The following PPIB variants were observed in gnomAD, a reference collection of about 807,000 sequenced individuals.
The protein encoded by PPIB is peptidylprolyl isomerase B, also known as peptidyl-prolyl cis-trans isomerase B.
PPIB carries 15 observed loss-of-function variants against 20.1 expected under a neutral mutation model. The observed-to-expected ratio is 0.75, with a 90% CI of 0.50 to 1.15. PPIB has a LOEUF of 1.15. PPIB is among the 50% of genes most tolerant of loss of function. The pLI, the probability that PPIB is intolerant of heterozygous loss-of-function variation, is 0.00. For missense variants in PPIB, 278 were observed against 283.0 expected (o/e 0.98, Z 0.13); for synonymous variants, 129 against 111.0 (o/e 1.16, Z -1.02).
Position 64,156,394 on chromosome 15 carries a change from A to T in PPIB, c.529-249T>A. 1.6e-6 allele frequency: 1 copy of T among 632,814 alleles called. No homozygotes were observed. Among genetic ancestry groups the T allele is most frequent in the Admixed American group, 2.5e-5 (1 of 40,444 alleles). The allele number at this position is 632,814 out of a possible 1,614,324, so 39.2% of individuals were successfully genotyped here. ...TGGGCCAAGGGTGAGGAGGAGGAAGAGGGTGACCAGGGCATGTGGCTTCTC... is the reference window on the plus strand; with the variant it reads ...TGGGCCAAGGGTGAGGAGGAGGAAGTGGGTGACCAGGGCATGTGGCTTCTC... On this transcript the variant is annotated intron_variant, in intron 4 of 4. Coordinates refer to ENST00000300026, the MANE Select transcript of PPIB (RefSeq NM_000942.5). The surrounding 1 kb of genome is among the most constrained non-coding windows in gnomAD (Gnocchi z 6.4).
rs956866877 is a variant in PPIB at position 64,156,372 on chromosome 15, G to A, written c.529-227C>T. The A allele has an allele frequency of 1.0e-5, 7 of 670,876 alleles. No individual in the cohort carries two copies. The highest frequency in any genetic ancestry group is 1.8e-5 in the Non-Finnish European group (7 of 384,320). 41.6% of individuals were successfully genotyped at this position (670,876 alleles called of 1,614,324 possible). Reference sequence around the variant, plus strand: ...TCCTTTGAAGTAAGACCCAGGTTGGGCCAAGGGTGAGGAGGAGGAAGAGGG... The same window carrying A: ...TCCTTTGAAGTAAGACCCAGGTTGGACCAAGGGTGAGGAGGAGGAAGAGGG... On this transcript the variant is annotated intron_variant, in intron 4 of 4. Transcript: ENST00000300026. This position sits in a 1 kb window ranked among gnomAD's most constrained non-coding sequence, Gnocchi z 6.4.
In PPIB at chr15:64,162,708, C is replaced by G. The variant is rs1051313694; in HGVS notation, c.135+144G>C. The stretch of plus-strand genomic sequence containing the variant: ...TGGGGGTGTCGGGGTGGGTCCGGGT[C>G]GTTCCCTGGACTGAATGGGCAGGAC... On this transcript the variant is annotated intron_variant, in intron 1 of 4. Transcript: ENST00000300026. 7.9e-5 allele frequency: 107 copies of G among 1,357,356 alleles called. No homozygotes were observed. The African/African-American group carries it at 1.4e-3, about 17-fold the overall frequency. 84.1% of individuals were successfully genotyped at this position (1,357,356 alleles called of 1,614,324 possible).
rs929432797 is a variant in PPIB at position 64,157,769 on chromosome 15, A to G, written c.344-860T>C. Among the ~76,000 whole-genome samples, 1 of 152,218 alleles carries G rather than the reference A, an allele frequency of 6.6e-6. No individual in the cohort carries two copies. The highest frequency in any genetic ancestry group is 2.4e-5 in the African/African-American group (1 of 41,456). ...ACCTACCTTCATCCTGTGGTTCCAC[A>G]GAATGGAACTGAGCTGGGAAACTGT... On this transcript the variant is annotated intron_variant, in intron 3 of 4. Transcript: ENST00000300026. This position sits in a 1 kb window ranked among gnomAD's most constrained non-coding sequence, Gnocchi z 4.2.
At position 64,160,110 on chromosome 15, in the gene PPIB, T is replaced by C; in HGVS notation, c.337A>G (p.Thr113Ala). ...CCAGAGGACCTGTGGTTACCTCCTG[T>C]GCCATCTCCCCTGGTGAAGTCTCCG... ...QGGDFTRGDG[T>A]GGKSIYGERF... is the part of the protein sequence containing the mutation. The change falls in exon 3 of 5, where the codon ACA becomes GCA. Residue 113 changes from threonine (T) to alanine (A), a missense_variant. Thr to Ala is a moderately conservative substitution (Grantham distance 58). Coordinates refer to ENST00000300026, the MANE Select transcript of PPIB (RefSeq NM_000942.5). This position sits in a 1 kb window ranked among gnomAD's most constrained non-coding sequence, Gnocchi z 4.8. 6.2e-7 allele frequency: 1 copy of C among 1,611,894 alleles called. No individual in the cohort carries two copies. Among genetic ancestry groups the C allele is most frequent in the Non-Finnish European group, 8.5e-7 (1 of 1,177,880 alleles).
In PPIB at chr15:64,162,993, G is replaced by T. The variant is rs1378812578; in HGVS notation, c.-7C>A. Reference sequence around the variant, plus strand: ...GTTCGGAGAGGCGCAGCATCCACAGGCGGAGGCGAAAGCAGCCCGGACAGC... The same window carrying T: ...GTTCGGAGAGGCGCAGCATCCACAGTCGGAGGCGAAAGCAGCCCGGACAGC... On this transcript the variant is annotated 5_prime_UTR_variant, in exon 1 of 5. Transcript: ENST00000300026. The T allele has an allele frequency of 3.1e-6, 5 of 1,612,694 alleles. No homozygotes were observed. The highest frequency in any genetic ancestry group is 4.2e-6 in the Non-Finnish European group (5 of 1,179,680).
chr15:64,160,036 C>G lies in PPIB; in HGVS notation c.343+68G>C, dbSNP rs1203394876. The stretch of plus-strand genomic sequence containing the variant: ...GAAGAAAGAGGCCTGGTCTCCCCAG[C>G]AGAACCTGGCCCTCCCACTGTGGAG... On this transcript the variant is annotated intron_variant, in intron 3 of 4. Coordinates refer to ENST00000300026, the MANE Select transcript of PPIB (RefSeq NM_000942.5). The surrounding 1 kb of genome is among the most constrained non-coding windows in gnomAD (Gnocchi z 4.8). 2.2e-6 allele frequency: 3 copies of G among 1,369,502 alleles called. No homozygotes were observed. The highest frequency in any genetic ancestry group is 1.0e-6 in the Non-Finnish European group (1 of 957,880). 84.8% of individuals were successfully genotyped at this position (1,369,502 alleles called of 1,614,324 possible). A position where few individuals can be genotyped will look rare whatever the true frequency, so the allele number is the denominator to read the frequency against.
At chr15:64,162,292 G>A (rs2081567551) in intron 1 of PPIB, 138 bp from the exon 2 acceptor site, 4 of 746,466 alleles carry the variant, frequency 5.4e-6, no homozygotes, top group Non-Finnish European at 9.7e-6. Flanking sequence ...TCTGATTTTG[G>A]TGACGGTAAA....
rs2081546170 is a variant in PPIB, at chr15:64,158,204, A to G, written c.344-1295T>C. On this transcript the variant is annotated intron_variant, in intron 3 of 4. Coordinates refer to ENST00000300026, the MANE Select transcript of PPIB (RefSeq NM_000942.5). This position sits in a 1 kb window ranked among gnomAD's most constrained non-coding sequence, Gnocchi z 4.7. ...TCTGCACGTGGCTCAGGTTGTCCCT[A>G]CCCACTCCCCATGTACTTACTCTTT... 6.6e-6 allele frequency among the ~76,000 whole-genome samples: 1 copy of G among 152,024 alleles called. No individual in the cohort carries two copies. Among genetic ancestry groups the G allele is most frequent in the Non-Finnish European group, 1.5e-5 (1 of 68,020 alleles).
At position 64,162,734 on chromosome 15, in the gene PPIB, G is replaced by T; in HGVS notation, c.135+118C>A. On this transcript the variant is annotated intron_variant, in intron 1 of 4. Coordinates refer to ENST00000300026, the MANE Select transcript of PPIB (RefSeq NM_000942.5). ...GTTCCCTGGACTGAATGGGCAGGACGGCCCAGACGCCACGAGGCCACAGAC... is the reference window on the plus strand; with the variant it reads ...GTTCCCTGGACTGAATGGGCAGGACTGCCCAGACGCCACGAGGCCACAGAC... The T allele has an allele frequency of 7.4e-6, 11 of 1,495,208 alleles. 1 individual carries two copies. In the African/African-American group the frequency reaches 9.7e-5, roughly 13 times the overall value. The allele number at this position is 1,495,208 out of a possible 1,614,324, so 92.6% of individuals were successfully genotyped here.
rs2081556324 is a variant in PPIB, at chr15:64,159,973, G to C, written c.343+131C>G. ...AAAGAAGGGTGCCGCTGGTCTCAAA[G>C]TAGGTAAGTAATAAGTAGGCCTGCC... On this transcript the variant is annotated intron_variant, in intron 3 of 4. Coordinates refer to ENST00000300026, the MANE Select transcript of PPIB (RefSeq NM_000942.5). The surrounding 1 kb of genome is among the most constrained non-coding windows in gnomAD (Gnocchi z 5.1). 5.0e-6 allele frequency: 4 copies of C among 799,682 alleles called. No individual in the cohort carries two copies. Among genetic ancestry groups the C allele is most frequent in the Admixed American group, 2.0e-5 (1 of 50,802 alleles). The allele number at this position is 799,682 out of a possible 1,614,324, so 49.5% of individuals were successfully genotyped here.
In PPIB at chr15:64,159,961, G is replaced by A. The variant is rs28720183; in HGVS notation, c.343+143C>T. ...GGTTCCCTCTTCAAAGAAGGGTGCC[G>A]CTGGTCTCAAAGTAGGTAAGTAATA... On this transcript the variant is annotated intron_variant, in intron 3 of 4. Coordinates refer to ENST00000300026, the MANE Select transcript of PPIB (RefSeq NM_000942.5). The surrounding 1 kb of genome is among the most constrained non-coding windows in gnomAD (Gnocchi z 5.1). 1,578 of 743,510 alleles carry A rather than the reference G, an allele frequency of 2.1e-3. 17 individuals are homozygous for A. The African/African-American group carries it at 0.023, about 11-fold the overall frequency. The allele number at this position is 743,510 out of a possible 1,614,324, so 46.1% of individuals were successfully genotyped here.
intron 1 of PPIB, 25 bp downstream of exon 1, chr15:64,162,827 G>C: frequency 6.2e-7 from 1 of 1,605,890 alleles, no homozygotes; most frequent in Non-Finnish European, 8.5e-7. Context: ...CTCCGGCACC[G>C]TAAATGCCGC....
Position 64,156,557 on chromosome 15 carries a change from C to G in PPIB, c.528+168G>C. 2 of 880,656 alleles carry G rather than the reference C, an allele frequency of 2.3e-6. No individual in the cohort carries two copies. Among genetic ancestry groups the G allele is most frequent in the Non-Finnish European group, 3.7e-6 (2 of 535,428 alleles). The allele number at this position is 880,656 out of a possible 1,614,324, so 54.6% of individuals were successfully genotyped here. Reference sequence around the variant, plus strand: ...CTGAGGGGGCTGGAAGAATTTAGAACCTTGGAGGCATGGAGGTACAGGGTT... The same window carrying G: ...CTGAGGGGGCTGGAAGAATTTAGAAGCTTGGAGGCATGGAGGTACAGGGTT... On this transcript the variant is annotated intron_variant, in intron 4 of 4. Transcript: ENST00000300026. This position sits in a 1 kb window ranked among gnomAD's most constrained non-coding sequence, Gnocchi z 6.4.
Position 64,156,316 on chromosome 15 carries a change from C to G in PPIB, c.529-171G>C. On this transcript the variant is annotated intron_variant, in intron 4 of 4. Transcript: ENST00000300026. The surrounding 1 kb of genome is among the most constrained non-coding windows in gnomAD (Gnocchi z 6.4). ...ACTCCTGGCCAGAGCAGGGAGAATGCAGATTTGACGAGGGGGTACAGGAAT... is the reference window on the plus strand; with the variant it reads ...ACTCCTGGCCAGAGCAGGGAGAATGGAGATTTGACGAGGGGGTACAGGAAT... 1 of 895,762 alleles carries G rather than the reference C, an allele frequency of 1.1e-6. No individual in the cohort carries two copies. The highest frequency in any genetic ancestry group is 1.8e-6 in the Non-Finnish European group (1 of 567,454). 55.5% of individuals were successfully genotyped at this position (895,762 alleles called of 1,614,324 possible). A position where few individuals can be genotyped will look rare whatever the true frequency, so the allele number is the denominator to read the frequency against.
In PPIB at chr15:64,157,011, G is replaced by T; in HGVS notation, c.344-102C>A. Reference sequence around the variant, plus strand: ...GGGCTTAACCTGTCCTCTGTGCCAGGCTAGGCTGGAGTGGACTACAAGGAC... The same window carrying T: ...GGGCTTAACCTGTCCTCTGTGCCAGTCTAGGCTGGAGTGGACTACAAGGAC... On this transcript the variant is annotated intron_variant, in intron 3 of 4. Coordinates refer to ENST00000300026, the MANE Select transcript of PPIB (RefSeq NM_000942.5). The surrounding 1 kb of genome is among the most constrained non-coding windows in gnomAD (Gnocchi z 4.2). 2 of 1,268,064 alleles carry T rather than the reference G, an allele frequency of 1.6e-6. No homozygotes were observed. The highest frequency in any genetic ancestry group is 2.2e-6 in the Non-Finnish European group (2 of 899,526). 78.6% of individuals were successfully genotyped at this position (1,268,064 alleles called of 1,614,324 possible). A position where few individuals can be genotyped will look rare whatever the true frequency, so the allele number is the denominator to read the frequency against.
rs1014759809 is a variant in PPIB at position 64,160,853 on chromosome 15, G to A, written c.250-656C>T. On this transcript the variant is annotated intron_variant, in intron 2 of 4. Transcript: ENST00000300026. This position sits in a 1 kb window ranked among gnomAD's most constrained non-coding sequence, Gnocchi z 4.8. ...TTAGTAGAGATGGGGTTTCACCATG[G>A]TGCCCAGGCTGCTCTCAAACTCCTA... Among the ~76,000 whole-genome samples, 9 of 151,998 alleles carry A rather than the reference G, an allele frequency of 5.9e-5. No individual in the cohort carries two copies. Among genetic ancestry groups the A allele is most frequent in the African/African-American group, 1.7e-4 (7 of 41,364 alleles).
rs1220907629 is a variant in PPIB, at chr15:64,161,301, TCTCA to T, written c.249+736_249+739del. 1.3e-5 allele frequency among the ~76,000 whole-genome samples: 2 copies of T among 151,552 alleles called. No individual in the cohort carries two copies. Among genetic ancestry groups the T allele is most frequent in the Non-Finnish European group, 2.9e-5 (2 of 67,910 alleles). ...AATTTATTTTTTTTTTGAGACAGGG[TCTCA>T]CTCTATTGCTCAGGCTGGAGTGCAG... On this transcript the variant is annotated intron_variant, in intron 2 of 4. Transcript: ENST00000300026. This position sits in a 1 kb window ranked among gnomAD's most constrained non-coding sequence, Gnocchi z 4.2.
At chr15:64,162,771 G>A in intron 1 of PPIB, 81 bp downstream of exon 1, 1 of 1,558,876 alleles carries the variant, frequency 6.4e-7, no homozygotes, top group African/African-American at 1.4e-5. Context: ...GAAGCCGAGG[G>A]AGGAGGGGCT....
Position 64,156,261 on chromosome 15 carries a change from A to C in PPIB, c.529-116T>G. The C allele has an allele frequency of 1.5e-6, 2 of 1,374,398 alleles. No individual in the cohort carries two copies. The highest frequency in any genetic ancestry group is 2.0e-6 in the Non-Finnish European group (2 of 986,618). The allele number at this position is 1,374,398 out of a possible 1,614,324, so 85.1% of individuals were successfully genotyped here. A position where few individuals can be genotyped will look rare whatever the true frequency, so the allele number is the denominator to read the frequency against. On this transcript the variant is annotated intron_variant, in intron 4 of 4. Transcript: ENST00000300026. This position sits in a 1 kb window ranked among gnomAD's most constrained non-coding sequence, Gnocchi z 6.4. ...AAGACCCACAAGTGATCAACAGCAC[A>C]CAAAACTGGAGGCACCAAAATTCTA...
Sources: gnomAD v4.1 joint callset for allele counts (sites outside exome capture counted in the v4.1 genomes callset) on GRCh38, gnomAD v4.1.1 for gene constraint, Gnocchi (gnomAD v3.1) non-coding constraint, MANE v1.5 for transcripts, NCBI Gene and HGNC (gene_info 2026-07-23, HGNC 2026-07-21) for gene names.